ZMYM2: variants seen among roughly 807,000 people sequenced by gnomAD.
The protein encoded by ZMYM2 is zinc finger MYM-type containing 2, also known as zinc finger MYM-type protein 2.
A neutral mutation model predicts 162.8 loss-of-function variants in ZMYM2; 56 were observed. The ratio of observed to expected loss-of-function variants is 0.34; its 90% confidence interval spans 0.28 to 0.43. The LOEUF (loss-of-function observed/expected upper bound fraction) is 0.43, where lower values mean the gene tolerates loss of function less well. Among genes scored for constraint, ZMYM2 ranks in the 20% least tolerant of loss-of-function variants. ZMYM2 has a pLI of 1.00. For synonymous variants in ZMYM2, 510 were observed against 541.6 expected (o/e 0.94, Z 0.81); for missense variants, 1,275 against 1,621.8 (o/e 0.79, Z 3.67).
intron 2 of ZMYM2, among the ~76,000 whole-genome samples, chr13:19,975,176 T>TAA (rs11291950): frequency 7.0e-6 from 1 of 142,390 alleles, no homozygotes; most frequent in African/African-American, 2.6e-5. Context: ...CTTCTTTTCT[T>TAA]AAAAAAAAAA....
chr13:19,864,755 C>G, the ZMYM2 span: 1 of 152,422 alleles, frequency 6.6e-6, no homozygotes, highest in Admixed American at 6.5e-5. Flanking sequence ...GGCGCACCCG[C>G]TGCGGCCCCT....
chr13:19,884,669 TAA>T, the ZMYM2 span, among the ~76,000 whole-genome samples: 1 of 152,004 alleles, frequency 6.6e-6, no homozygotes, highest in African/African-American at 2.4e-5. Context: ...CCATAGTTCT[TAA>T]AAGTAGCACG....
chr13:19,898,891 C>T, the ZMYM2 span, among the ~76,000 whole-genome samples: 1 of 151,330 alleles, frequency 6.6e-6, no homozygotes, highest in Non-Finnish European at 1.5e-5. Context: ...CATGATCACG[C>T]CACTGCTCTT....
intron 2 of ZMYM2, among the ~76,000 whole-genome samples, chr13:19,978,337 C>G (rs1697188249): frequency 6.6e-6 from 1 of 150,674 alleles, no homozygotes; most frequent in East Asian, 1.9e-4. Context: ...CTTCTCTGTC[C>G]TCTTCCTTTG....
chr13:20,021,041 T>G (rs1338228260), intron 7 of ZMYM2, among the ~76,000 whole-genome samples: 2 of 151,940 alleles, frequency 1.3e-5, no homozygotes, highest in Non-Finnish European at 2.9e-5. Flanking sequence ...AGTGGCGTGA[T>G]CTCTGCTCAC....
chr13:20,007,026 T>C (rs993132662), intron 6 of ZMYM2, among the ~76,000 whole-genome samples: 5 of 152,226 alleles, frequency 3.3e-5, no homozygotes. Flanking sequence ...ATTCCTCTTT[T>C]GAATTTATTT....
At chr13:19,915,916 G>C in the ZMYM2 span, among the ~76,000 whole-genome samples, 96 of 149,304 alleles carry the variant, frequency 6.4e-4, no homozygotes, top group Non-Finnish European at 1.0e-3. Context: ...CTGGAGTACA[G>C]TGGCACGATC....
intron 14 of ZMYM2, 38 bp from the exon 15 acceptor site, chr13:20,058,537 A>G: frequency 6.3e-7 from 1 of 1,595,554 alleles, no homozygotes; most frequent in Non-Finnish European, 8.5e-7. Context: ...TGAAAATTAG[A>G]CATAAAAATA....
At chr13:20,064,328 C>A in intron 18 of ZMYM2, 123 bp from the exon 19 acceptor site, 1 of 666,586 alleles carries the variant, frequency 1.5e-6, no homozygotes, top group Non-Finnish European at 2.3e-6. Flanking sequence ...TACTCCCCAG[C>A]CCAGCCTAGA....
chr13:19,977,780 G>A (rs1394188580), intron 2 of ZMYM2, among the ~76,000 whole-genome samples: 1 of 151,518 alleles, frequency 6.6e-6, no homozygotes, highest in Non-Finnish European at 1.5e-5. Context: ...ATGAGCCACC[G>A]CGCCCAGCCA....
chr13:19,922,952 G>A, the ZMYM2 span, among the ~76,000 whole-genome samples: 1 of 151,676 alleles, frequency 6.6e-6, no homozygotes, highest in Non-Finnish European at 1.5e-5. Context: ...AACCTGGGAG[G>A]TGGAGGTTGC....
At chr13:20,067,211 A>C in intron 20 of ZMYM2, 28 bp from the exon 21 acceptor site, 1 of 1,501,156 alleles carries the variant, frequency 6.7e-7, no homozygotes, top group Non-Finnish European at 9.0e-7. Context: ...AAATAATAAC[A>C]ATTATTTTTT....
At chr13:19,977,083 C>G (rs1326573385) in intron 2 of ZMYM2, among the ~76,000 whole-genome samples, 1 of 152,142 alleles carries the variant, frequency 6.6e-6, no homozygotes, top group Non-Finnish European at 1.5e-5. Flanking sequence ...ATTAGTATAG[C>G]CACTCCAATT....
At chr13:19,959,127 G>A (rs1392586479) in intron 1 of ZMYM2, among the ~76,000 whole-genome samples, 2 of 149,814 alleles carry the variant, frequency 1.3e-5, no homozygotes, top group Non-Finnish European at 3.0e-5. Context: ...GCGAGGCCGG[G>A]AGGGCTGGGT....
the ZMYM2 span, among the ~76,000 whole-genome samples, chr13:19,867,804 T>G: frequency 6.6e-6 from 1 of 152,192 alleles, no homozygotes; most frequent in Non-Finnish European, 1.5e-5. Context: ...TTTTGTATTT[T>G]TAGTAGAGAT....
In ZMYM2 at chr13:20,007,882, A is replaced by G. The variant is rs1208136848; in HGVS notation, c.1512+1296A>G. ...GTGGTCTCCGTGCCTCGGCCTCCCA[A>G]AGTGCTGGGATTACAGGCATGAGCT... On this transcript the variant is annotated intron_variant, in intron 6 of 24. Transcript: ENST00000610343. Among the ~76,000 whole-genome samples, 5 of 152,030 alleles carry G rather than the reference A, an allele frequency of 3.3e-5. No homozygotes were observed. In the East Asian group the frequency reaches 7.7e-4, roughly 23 times the overall value.
Position 19,958,785 on chromosome 13 carries a change from A to G in ZMYM2, c.-136A>G, listed in dbSNP as rs1353611465. The G allele has an allele frequency of 1.5e-5, 2 of 130,400 alleles. No homozygotes were observed. Among genetic ancestry groups the G allele is most frequent in the East Asian group, 5.3e-4 (2 of 3,748 alleles). 8.1% of individuals were successfully genotyped at this position (130,400 alleles called of 1,614,324 possible). On this transcript the variant is annotated 5_prime_UTR_variant, in exon 1 of 25. Transcript: ENST00000610343. ...CCGAGCGGAGTTGTGCGTGTCGCCG[A>G]AGGGGGGTGGGCCGGGGGAGGGGAG... is the stretch of plus-strand genomic sequence containing the variant.
intron 14 of ZMYM2, among the ~76,000 whole-genome samples, chr13:20,057,755 A>G (rs1020610722): frequency 2.0e-5 from 3 of 152,252 alleles, no homozygotes; most frequent in African/African-American, 7.2e-5. Flanking sequence ...TGATGAAAAC[A>G]TTGCGACCAG....
the ZMYM2 span, among the ~76,000 whole-genome samples, chr13:19,881,599 G>A: frequency 1.3e-5 from 2 of 151,822 alleles, no homozygotes; most frequent in Non-Finnish European, 2.9e-5. Context: ...TCCAGCCTGG[G>A]CAACAGAGTG....
Sources: allele counts gnomAD v4.1 joint callset (sites outside exome capture counted in the v4.1 genomes callset), GRCh38; gene constraint gnomAD v4.1.1; transcripts MANE v1.5; gene names NCBI Gene and HGNC (gene_info 2026-07-23, HGNC 2026-07-21).